Variants in DHX15 observed in about 807,000 individuals in gnomAD.
DHX15 encodes the protein DEAH-box helicase 15.
Under a neutral mutation model 94.4 loss-of-function variants are expected in DHX15, and 11 were observed. That is an observed-to-expected ratio of 0.12 (90% CI 0.07 to 0.19). The LOEUF is 0.19. Ranked by LOEUF, DHX15 falls within the 10% of genes least tolerant of loss-of-function variation. The pLI is 1.00. For synonymous variants in DHX15, 338 were observed against 329.9 expected, an observed-to-expected ratio of 1.02 and a Z score of -0.27; for missense variants, 304 against 988.5, an observed-to-expected ratio of 0.31 and a Z score of 9.29.
intron 5 of DHX15, among the ~76,000 whole-genome samples, chr4:24,550,823 A>G (rs941885449): frequency 1.3e-5 from 2 of 152,242 alleles, no homozygotes; most frequent in Non-Finnish European, 2.9e-5. Context: ...TCCTATTATC[A>G]TTATTATTAT....
At chr4:24,550,182 A>C (rs775702706) in intron 5 of DHX15, among the ~76,000 whole-genome samples, 21 of 150,764 alleles carry the variant, frequency 1.4e-4, no homozygotes, top group Non-Finnish European at 1.9e-4. Context: ...TGCAGGACTG[A>C]AAGTTGCTGT....
rs1577345511 is a variant in DHX15, at chr4:24,563,153, A to C, written c.702-6743T>G. On this transcript the variant is annotated intron_variant, in intron 3 of 13. Coordinates refer to ENST00000336812, the MANE Select transcript of DHX15 (RefSeq NM_001358.3). ...ACATATAAAGAAATATATATAATCT[A>C]TATATAAGAAATACATATATATGTA... 2.0e-5 allele frequency: 3 copies of C among 150,910 alleles called. No individual in the cohort carries two copies. In the East Asian group the frequency reaches 5.8e-4, roughly 29 times the overall value. 9.3% of individuals were successfully genotyped at this position (150,910 alleles called of 1,614,324 possible).
chr4:24,579,588 T>C (rs1722358765), intron 1 of DHX15, among the ~76,000 whole-genome samples: 2 of 152,326 alleles, frequency 1.3e-5, no homozygotes, highest in South Asian at 2.1e-4. Flanking sequence ...GTGTCTCAGT[T>C]CAATCTTGGC....
At chr4:24,547,889 CTA>C (rs1288771662) in intron 6 of DHX15, among the ~76,000 whole-genome samples, 1 of 10,376 alleles carries the variant, frequency 9.6e-5, no homozygotes. Context: ...CTCTCTCTCT[CTA>C]TGTATGTATG....
intron 9 of DHX15, 87 bp downstream of exon 9, chr4:24,540,753 A>T (rs919727288): frequency 7.2e-5 from 51 of 706,490 alleles, no homozygotes; most frequent in South Asian, 2.2e-4. Flanking sequence ...AATGTATTTA[A>T]TACATATATT....
rs1301786117 is a variant in DHX15, at chr4:24,574,211, A to AG, written c.507+2031_507+2032insC. On this transcript the variant is annotated intron_variant, in intron 2 of 13. Coordinates refer to ENST00000336812, the MANE Select transcript of DHX15 (RefSeq NM_001358.3). Reference sequence around the variant, plus strand: ...ACAGAGCGAGACTTTGTCTCAAAAAAAAAAAAAAAAAAAAAAAGTTAAAGT... The same window carrying AG: ...ACAGAGCGAGACTTTGTCTCAAAAAAGAAAAAAAAAAAAAAAAAGTTAAAGT... Among the ~76,000 whole-genome samples, 237 of 138,944 alleles carry AG rather than the reference A, an allele frequency of 1.7e-3. 3 individuals carry two copies. Among genetic ancestry groups the AG allele is most frequent in the Non-Finnish European group, 2.8e-3 (180 of 64,622 alleles). 91.2% of individuals were successfully genotyped at this position (138,944 alleles called of 152,430 possible).
intron 1 of DHX15, among the ~76,000 whole-genome samples, chr4:24,583,526 C>T (rs1394626581): frequency 2.0e-5 from 3 of 151,336 alleles, no homozygotes; most frequent in Admixed American, 6.6e-5. Context: ...TGTTCAGTAA[C>T]CAGTTTTAAC....
At chr4:24,581,053 T>A (rs1486527691) in intron 1 of DHX15, 2 of 150,474 alleles carry the variant, frequency 1.3e-5, no homozygotes, top group Admixed American at 6.6e-5. Context: ...TTTTTTGAGA[T>A]GGAGGCTCGC....
intron 2 of DHX15, among the ~76,000 whole-genome samples, chr4:24,574,487 T>G (rs1157054551): frequency 6.6e-6 from 1 of 150,470 alleles, no homozygotes; most frequent in Non-Finnish European, 1.5e-5. Context: ...CATCTTGAGT[T>G]GACCTGACCT....
Position 24,584,310 on chromosome 4 carries a change from C to G in DHX15, c.71+13G>C, listed in dbSNP as rs985331754. 4.3e-6 allele frequency: 7 copies of G among 1,609,288 alleles called. No homozygotes were observed. The highest frequency in any genetic ancestry group is 4.2e-6 in the Non-Finnish European group (5 of 1,178,584). On this transcript the variant is annotated intron_variant, in intron 1 of 13. Coordinates refer to ENST00000336812, the MANE Select transcript of DHX15 (RefSeq NM_001358.3). ...AGCCCGAGCTGCCGCCTCGCGCCCC[C>G]GGCCTGGCTTACCCATCGGTCCCCG... is the stretch of plus-strand genomic sequence containing the variant.
intron 6 of DHX15, among the ~76,000 whole-genome samples, 181 bp downstream of exon 6, chr4:24,548,674 A>C (rs1305350813): frequency 6.6e-6 from 1 of 152,214 alleles, no homozygotes; most frequent in Admixed American, 6.5e-5. Context: ...TACCTAGAAG[A>C]AGCAGTACTC....
intron 9 of DHX15, among the ~76,000 whole-genome samples, 190 bp downstream of exon 9, chr4:24,540,646 GAAAA>G (rs5856853): frequency 6.8e-6 from 1 of 147,108 alleles, no homozygotes; most frequent in African/African-American, 2.5e-5. Flanking sequence ...AACTTTTGAA[GAAAA>G]AAAAAAAATG....
intron 6 of DHX15, among the ~76,000 whole-genome samples, chr4:24,547,887 CTCTATG>C (rs1488916719): frequency 1.6e-3 from 18 of 10,968 alleles, no homozygotes; most frequent in Non-Finnish European, 3.3e-3. Context: ...CTCTCTCTCT[CTCTATG>C]TATGTATGTG....
Position 24,527,843 on chromosome 4 carries a change from G to A in DHX15, c.*81C>T, listed in dbSNP as rs763052035. 30 of 957,862 alleles carry A rather than the reference G, an allele frequency of 3.1e-5. No homozygotes were observed. Among genetic ancestry groups the A allele is most frequent in the Non-Finnish European group, 4.2e-5 (25 of 600,602 alleles). 59.3% of individuals were successfully genotyped at this position (957,862 alleles called of 1,614,324 possible). A position where few individuals can be genotyped will look rare whatever the true frequency, so the allele number is the denominator to read the frequency against. On this transcript the variant is annotated 3_prime_UTR_variant, in exon 14 of 14. Coordinates refer to ENST00000336812, the MANE Select transcript of DHX15 (RefSeq NM_001358.3). ...AAATAAAGGCCATTATCGAACCAAC[G>A]TGAAGAGCACAACTCGAACTTTTGA...
intron 5 of DHX15, among the ~76,000 whole-genome samples, chr4:24,552,383 A>G (rs1454045640): frequency 6.6e-6 from 1 of 152,248 alleles, no homozygotes; most frequent in Non-Finnish European, 1.5e-5. Context: ...AAAATTATTT[A>G]ATTACAATCA....
At chr4:24,577,359 C>G (rs556578311) in intron 1 of DHX15, among the ~76,000 whole-genome samples, 1 of 152,248 alleles carries the variant, frequency 6.6e-6, no homozygotes, top group African/African-American at 2.4e-5. Context: ...GTTATACTTT[C>G]CAGCACTTTC....
chr4:24,541,036 C>T, intron 8 of DHX15, 88 bp from the exon 9 acceptor site: 1 of 713,114 alleles, frequency 1.4e-6, no homozygotes, highest in African/African-American at 1.8e-5. Context: ...GCCTCCTGAG[C>T]TATTTGTTTT....
intron 1 of DHX15, among the ~76,000 whole-genome samples, chr4:24,583,233 T>C (rs905061897): frequency 5.3e-5 from 8 of 152,210 alleles, no homozygotes; most frequent in African/African-American, 1.7e-4. Context: ...ACTTCATCAA[T>C]GAAAACACAC....
At chr4:24,534,830 AAT>A (rs372408641) in intron 11 of DHX15, among the ~76,000 whole-genome samples, 170 of 152,290 alleles carry the variant, frequency 1.1e-3, no homozygotes, top group African/African-American at 3.6e-3. Flanking sequence ...AAATATACTC[AAT>A]GTTTCAATTA....
Sources: gnomAD v4.1 joint callset for allele counts (sites outside exome capture counted in the v4.1 genomes callset) on GRCh38, gnomAD v4.1.1 for gene constraint, MANE v1.5 for transcripts, NCBI Gene and HGNC (gene_info 2026-07-23, HGNC 2026-07-21) for gene names.